Variants in DHX36 observed in about 807,000 individuals in gnomAD.
DHX36 encodes the protein DEAH-box helicase 36.
A neutral mutation model predicts 139.0 loss-of-function variants in DHX36; 50 were observed. The ratio of observed to expected loss-of-function variants is 0.36; its 90% CI spans 0.29 to 0.46. DHX36 has a LOEUF of 0.46. DHX36 is among the 20% of genes least tolerant of loss of function. The probability of loss-of-function intolerance (pLI) is 1.00; values close to 1 mark genes in which losing one functional copy is unlikely to be tolerated. For missense variants in DHX36, 1,024 were observed against 1,211.3 expected (o/e 0.85, Z 2.29); for synonymous variants, 425 against 401.9 (o/e 1.06, Z -0.69).
At chr3:154,312,849 T>TAA (rs1712812131) in intron 3 of DHX36, among the ~76,000 whole-genome samples, 1 of 24,796 alleles carries the variant, frequency 4.0e-5, no homozygotes, top group Admixed American at 6.1e-4. Context: ...AGGAAATAAT[T>TAA]AAAATATATA....
rs1221523304 is a variant in DHX36, at chr3:154,276,037, T to C, written c.*134A>G. ...AACATCAAGTCATGCACATTAAGTCTTTACTACCTACTGAAGGCTTCTACC... is the reference window on the plus strand; with the variant it reads ...AACATCAAGTCATGCACATTAAGTCCTTACTACCTACTGAAGGCTTCTACC... On this transcript the variant is annotated 3_prime_UTR_variant, in exon 25 of 25. Transcript: ENST00000496811. 4 of 648,470 alleles carry C rather than the reference T, an allele frequency of 6.2e-6. No individual in the cohort carries two copies. Among genetic ancestry groups the C allele is most frequent in the South Asian group, 4.6e-5 (2 of 43,624 alleles). 40.2% of individuals were successfully genotyped at this position (648,470 alleles called of 1,614,324 possible). A position where few individuals can be genotyped will look rare whatever the true frequency, so the allele number is the denominator to read the frequency against.
chr3:154,304,669 C>T, intron 8 of DHX36, 137 bp downstream of exon 8: 2 of 653,638 alleles, frequency 3.1e-6, no homozygotes, highest in South Asian at 3.4e-5. Flanking sequence ...ATCCATGAAA[C>T]TGGAGGGTAG....
chr3:154,316,085 T>C lies in DHX36; in HGVS notation c.322A>G (p.Lys108Glu), dbSNP rs1712967850. ...CAGGATATCTGTGCTTCTGACTCTT[T>C]ATCATTCTTCGCTTGAACAGAATTC... Reference protein sequence around the residue: ...LLNSVQAKNDKESEAQISWFA... With the variant: ...LLNSVQAKNDEESEAQISWFA... Residue 108 changes from lysine (K) to glutamate (E), a missense_variant, in exon 2 of 25, where the codon AAA becomes GAA. Around this residue, in one of 4 missense-constraint regions of DHX36, gnomAD observed 293 missense variants for 274.4 expected, o/e 1.07. Coordinates refer to ENST00000496811, the MANE Select transcript of DHX36 (RefSeq NM_020865.3). 2 of 1,613,244 alleles carry C rather than the reference T, an allele frequency of 1.2e-6. No individual in the cohort carries two copies. Among genetic ancestry groups the C allele is most frequent in the Middle Eastern group, 1.6e-4 (1 of 6,080 alleles).
intron 18 of DHX36, 65 bp from the exon 19 acceptor site, chr3:154,284,734 A>T (rs1458214426): frequency 6.3e-7 from 1 of 1,593,546 alleles, no homozygotes; most frequent in East Asian, 2.2e-5. Flanking sequence ...TGACATTCTA[A>T]TAAAACGCTA....
At chr3:154,283,640 TG>T (rs1719407949) in intron 19 of DHX36, among the ~76,000 whole-genome samples, 1 of 151,602 alleles carries the variant, frequency 6.6e-6, no homozygotes, top group African/African-American at 2.4e-5. Flanking sequence ...CTTTATAGTT[TG>T]CTTTTTTTTT....
At chr3:154,311,783 T>C (rs1712772581) in intron 3 of DHX36, 109 bp from the exon 4 acceptor site, 1 of 726,774 alleles carries the variant, frequency 1.4e-6, no homozygotes, top group Admixed American at 3.5e-5. Context: ...CGAAAGTATT[T>C]TTATTATCTC....
chr3:154,289,230 T>C (rs1223730763), intron 16 of DHX36, among the ~76,000 whole-genome samples: 2 of 152,162 alleles, frequency 1.3e-5, no homozygotes, highest in Non-Finnish European at 2.9e-5. Context: ...ACCCACTATC[T>C]TCAAAAGTAG....
intron 13 of DHX36, among the ~76,000 whole-genome samples, chr3:154,294,055 T>A (rs1014642607): frequency 3.3e-5 from 5 of 152,194 alleles, no homozygotes; most frequent in African/African-American, 4.8e-5. Context: ...ACAAACAAGA[T>A]TTCCAATGAG....
intron 9 of DHX36, 139 bp downstream of exon 9, chr3:154,303,190 G>A: frequency 1.6e-6 from 1 of 614,882 alleles, no homozygotes; most frequent in Non-Finnish European, 2.8e-6. Context: ...ATTTTAATGT[G>A]CAGCCAAGTG....
chr3:154,311,755 G>A, intron 3 of DHX36, 81 bp from the exon 4 acceptor site: 2 of 1,083,382 alleles, frequency 1.8e-6, no homozygotes, highest in Non-Finnish European at 2.6e-6. Context: ...TACATCACAG[G>A]GTAAATTGGC....
At chr3:154,315,889 TAA>T (rs1372790829) in intron 2 of DHX36, 148 bp downstream of exon 2, 2 of 951,542 alleles carry the variant, frequency 2.1e-6, no homozygotes, top group East Asian at 2.7e-5. Flanking sequence ...TCTAAATTTT[TAA>T]AAGTCATTTT....
chr3:154,296,867 T>C (rs1029817577), intron 12 of DHX36, among the ~76,000 whole-genome samples: 1 of 152,246 alleles, frequency 6.6e-6, no homozygotes, highest in African/African-American at 2.4e-5. Flanking sequence ...GCAACTGATG[T>C]TGCTAAAAAA....
At chr3:154,323,016 AT>A (rs1461310971) in intron 1 of DHX36, among the ~76,000 whole-genome samples, 1 of 152,180 alleles carries the variant, frequency 6.6e-6, no homozygotes, top group Non-Finnish European at 1.5e-5. Flanking sequence ...GTTAAAAGAA[AT>A]AAAAAGAAAT....
chr3:154,284,897 A>G lies in DHX36; in HGVS notation c.2122T>C (p.Phe708Leu), dbSNP rs1222257475. The change falls in exon 18 of 25, where the codon TTT becomes CTT. Residue 708 changes from phenylalanine to leucine, a missense_variant. By Grantham distance (22) the Phe-to-Leu change is conservative. This residue lies in a region of DHX36 where 470 missense variants were observed against 616.2 expected (regional missense o/e 0.76). Transcript: ENST00000496811. ...TCTAAGCAGCAGAACAGTGCTCCAA[A>G]AAGAATCATTTTTCCAATATGTGGC... ...VEPHIGKMIL[F>L]GALFCCLDPV... 1 of 1,614,048 alleles carries G rather than the reference A, an allele frequency of 6.2e-7. No homozygotes were observed. Among genetic ancestry groups the G allele is most frequent in the Non-Finnish European group, 8.5e-7 (1 of 1,180,026 alleles).
intron 17 of DHX36, among the ~76,000 whole-genome samples, chr3:154,287,070 T>A (rs1711571193): frequency 6.6e-6 from 1 of 152,074 alleles, no homozygotes; most frequent in Admixed American, 6.6e-5. Flanking sequence ...GGCCAACAGA[T>A]GAGAAATAAG....
In DHX36 at chr3:154,276,000, ATC is replaced by A. The variant is rs1174801615; in HGVS notation, c.*169_*170del. ...ATGGTATATATATATATATATATAT[ATC>A]TCTACATATAACATCAAGTCATGCA... On this transcript the variant is annotated 3_prime_UTR_variant, in exon 25 of 25. Coordinates refer to ENST00000496811, the MANE Select transcript of DHX36 (RefSeq NM_020865.3). 166 of 396,282 alleles carry A rather than the reference ATC, an allele frequency of 4.2e-4. No homozygotes were observed. Among genetic ancestry groups the A allele is most frequent in the Non-Finnish European group, 4.7e-4 (108 of 227,530 alleles). The allele number at this position is 396,282 out of a possible 1,614,324, so 24.5% of individuals were successfully genotyped here.
At chr3:154,300,563 T>C (rs200068895) in intron 11 of DHX36, 31 bp downstream of exon 11, 2 of 1,542,454 alleles carry the variant, frequency 1.3e-6, no homozygotes, top group East Asian at 2.3e-5. Flanking sequence ...ATTAAAATTA[T>C]GTTAACTGAA....
At chr3:154,315,890 A>C (rs916919607) in intron 2 of DHX36, 149 bp downstream of exon 2, 23 of 953,528 alleles carry the variant, frequency 2.4e-5, no homozygotes, top group Admixed American at 3.0e-5. Flanking sequence ...CTAAATTTTT[A>C]AAAGTCATTT....
chr3:154,277,708 A>G lies in DHX36; in HGVS notation c.2578T>C (p.Tyr860His), dbSNP rs768118881. The change falls in exon 23 of 25, where the codon TAC becomes CAC. Residue 860 changes from tyrosine (Y) to histidine (H), a missense_variant. Coordinates refer to ENST00000496811, the MANE Select transcript of DHX36 (RefSeq NM_020865.3). ...LGKKRKMVKV[Y>H]TKTDGLVAVH... ...GCAACCAGGCCATCGGTTTTTGTGTAAACTTTTACCCTTTAAAAAAAGTTA... is the reference window on the plus strand; with the variant it reads ...GCAACCAGGCCATCGGTTTTTGTGTGAACTTTTACCCTTTAAAAAAAGTTA... 15 of 1,606,038 alleles carry G rather than the reference A, an allele frequency of 9.3e-6. No individual in the cohort carries two copies. Among genetic ancestry groups the G allele is most frequent in the Non-Finnish European group, 1.2e-5 (14 of 1,175,132 alleles).
Sources: gnomAD v4.1 joint callset for allele counts (sites outside exome capture counted in the v4.1 genomes callset) on GRCh38, gnomAD v4.1.1 for gene constraint, gnomAD v4.1.1 regional missense constraint, MANE v1.5 for transcripts, NCBI Gene and HGNC (gene_info 2026-07-23, HGNC 2026-07-21) for gene names.